Variants in NID1 observed in about 807,000 individuals in gnomAD.
NID1 encodes the protein nidogen 1.
In NID1, 76 loss-of-function variants were observed where a neutral mutation model predicts 130.6. The observed-to-expected ratio is 0.58, with a 90% CI of 0.48 to 0.70. The LOEUF is 0.70. Among genes scored for constraint, NID1 ranks in the 30% least tolerant of loss-of-function variants. The pLI is 0.00. For missense variants in NID1, 1,517 were observed against 1,664.8 expected (o/e 0.91, Z 1.54); for synonymous variants, 665 against 675.1 (o/e 0.98, Z 0.23).
chr1:236,030,280 G>A (rs1659057840), intron 6 of NID1, among the ~76,000 whole-genome samples: 1 of 152,138 alleles, frequency 6.6e-6, no homozygotes, highest in Non-Finnish European at 1.5e-5. Context: ...GATGGCTTAG[G>A]AACTCCTCTT....
chr1:235,979,684 A>T lies in NID1; in HGVS notation c.3509+138T>A, dbSNP rs1657374212. The T allele has an allele frequency of 1.2e-6, 1 of 846,078 alleles. No individual in the cohort carries two copies. The highest frequency in any genetic ancestry group is 1.6e-5 in the South Asian group (1 of 61,086). The allele number at this position is 846,078 out of a possible 1,614,324, so 52.4% of individuals were successfully genotyped here. The stretch of plus-strand genomic sequence containing the variant: ...CTCCTGACAACCAGAAGGATAAGGG[A>T]GAGGGGACATCTCTAGAGGGGGCAT... On this transcript the variant is annotated intron_variant, in intron 18 of 19. Transcript: ENST00000264187. The surrounding 1 kb of genome is among the most constrained non-coding windows in gnomAD (Gnocchi z 4.6).
rs1467223850 is a variant in NID1 at position 236,013,552 on chromosome 1, C to T, written c.2263G>A (p.Asp755Asn). Reference sequence around the variant, plus strand: ...TCACAGTAGTTGATGGGGCGCTGGTCCACGACAGCTTCAGAACAAAAGGTT... The same window carrying T: ...TCACAGTAGTTGATGGGGCGCTGGTTCACGACAGCTTCAGAACAAAAGGTT... The part of the protein sequence containing the change: ...SDEGTCVAVV[D>N]QRPINYCETG... The change falls in exon 11 of 20, where the codon GAC becomes AAC. Residue 755 changes from aspartate (D) to asparagine (N), a missense_variant. Around this residue, in one of 3 missense-constraint regions of NID1, gnomAD observed 1,329 missense variants for 1,429.2 expected, o/e 0.93. Coordinates refer to ENST00000264187, the MANE Select transcript of NID1 (RefSeq NM_002508.3). 1 of 1,614,096 alleles carries T rather than the reference C, an allele frequency of 6.2e-7. No homozygotes were observed. The highest frequency in any genetic ancestry group is 8.5e-7 in the Non-Finnish European group (1 of 1,180,004).
intron 12 of NID1, among the ~76,000 whole-genome samples, chr1:236,007,515 G>A (rs1234347531): frequency 6.6e-6 from 1 of 152,144 alleles, no homozygotes; most frequent in Non-Finnish European, 1.5e-5. Flanking sequence ...CAACAGAAGC[G>A]ATACTTGTCA....
intron 6 of NID1, among the ~76,000 whole-genome samples, chr1:236,030,511 T>C (rs947964745): frequency 6.6e-6 from 1 of 152,254 alleles, no homozygotes; most frequent in East Asian, 1.9e-4. Context: ...GTGAAAATTA[T>C]ATACAATTTA....
At chr1:236,055,071 G>A (rs972337711) in intron 1 of NID1, among the ~76,000 whole-genome samples, 2 of 152,230 alleles carry the variant, frequency 1.3e-5, no homozygotes, top group African/African-American at 2.4e-5. Context: ...TTGGGAGGCC[G>A]AGGTGGGTGG....
chr1:236,026,555 TCA>T (rs1427980085), intron 7 of NID1, among the ~76,000 whole-genome samples: 2 of 152,126 alleles, frequency 1.3e-5, no homozygotes, highest in Non-Finnish European at 2.9e-5. Flanking sequence ...TCTCAGTTTC[TCA>T]CACAAAATAG....
chr1:235,988,325 A>G (rs1657628920), intron 14 of NID1, among the ~76,000 whole-genome samples: 1 of 152,236 alleles, frequency 6.6e-6, no homozygotes, highest in Non-Finnish European at 1.5e-5. Flanking sequence ...AATGCAAATC[A>G]AAACCACTTC....
At chr1:236,011,159 C>G (rs779891260) in intron 12 of NID1, among the ~76,000 whole-genome samples, 1 of 152,024 alleles carries the variant, frequency 6.6e-6, no homozygotes, top group African/African-American at 2.4e-5. Context: ...GCTTAAAAAG[C>G]GATGGGATGA....
At chr1:236,032,759 A>G in intron 5 of NID1, 107 bp from the exon 6 acceptor site, 1 of 1,426,378 alleles carries the variant, frequency 7.0e-7, no homozygotes, top group Non-Finnish European at 9.4e-7. Flanking sequence ...GCAAAGAAAC[A>G]AAACAGCACT....
intron 15 of NID1, 25 bp from the exon 16 acceptor site, chr1:235,981,807 T>TCAAGCAAGCC: frequency 6.4e-7 from 1 of 1,567,040 alleles, no homozygotes. Flanking sequence ...AGAGCTCCTC[T>TCAAGCAAGCC]AATTTTTTTT....
At chr1:235,978,059 C>A in intron 19 of NID1, 71 bp from the exon 20 acceptor site, 1 of 1,556,172 alleles carries the variant, frequency 6.4e-7, no homozygotes, top group South Asian at 1.2e-5. Flanking sequence ...AGATAGTGGG[C>A]TCCTTCTTGT....
At chr1:236,040,541 C>T (rs1372456931) in intron 4 of NID1, among the ~76,000 whole-genome samples, 1 of 152,102 alleles carries the variant, frequency 6.6e-6, no homozygotes, top group African/African-American at 2.4e-5. Flanking sequence ...AGTAGAAAAG[C>T]AGCAGACAGC....
chr1:236,025,696 A>G (rs1658909024), intron 8 of NID1, among the ~76,000 whole-genome samples, 200 bp downstream of exon 8: 2 of 152,220 alleles, frequency 1.3e-5, no homozygotes, highest in Admixed American at 1.3e-4. Flanking sequence ...TAGAATCACG[A>G]ATAGGCCTTT....
Position 236,031,801 on chromosome 1 carries a change from C to T in NID1, c.1537+600G>A, listed in dbSNP as rs1308877061. 3.3e-5 allele frequency among the ~76,000 whole-genome samples: 5 copies of T among 152,210 alleles called. No individual in the cohort carries two copies. In the East Asian group the frequency reaches 7.7e-4, roughly 23 times the overall value. On this transcript the variant is annotated intron_variant, in intron 6 of 19. Transcript: ENST00000264187. The stretch of plus-strand genomic sequence containing the variant: ...ACCACAACACCAAGGAAACATCCCT[C>T]AAGCCATCTGCCCACGCGTCCAGTA...
intron 11 of NID1, among the ~76,000 whole-genome samples, chr1:236,012,429 G>A (rs548903646): frequency 2.0e-5 from 3 of 152,066 alleles, no homozygotes; most frequent in Admixed American, 6.5e-5. Flanking sequence ...ATGGTGACAC[G>A]TGCCTGTAAT....
chr1:236,037,665 A>G (rs1659299604), intron 5 of NID1, among the ~76,000 whole-genome samples: 1 of 143,302 alleles, frequency 7.0e-6, no homozygotes, highest in African/African-American at 2.5e-5. Context: ...CTCAAGAAAA[A>G]AAAAAACATA....
intron 2 of NID1, among the ~76,000 whole-genome samples, chr1:236,045,897 G>A (rs753001833): frequency 4.6e-5 from 7 of 152,160 alleles, no homozygotes; most frequent in Non-Finnish European, 8.8e-5. Flanking sequence ...GACATTTTCT[G>A]ATTAATTCAT....
Position 235,982,414 on chromosome 1 carries a change from G to A in NID1, c.3056-632C>T, listed in dbSNP as rs144223095. Among the ~76,000 whole-genome samples the A allele has an allele frequency of 4.0e-3, 610 of 152,256 alleles. 1 individual carries two copies. The highest frequency in any genetic ancestry group is 6.7e-3 in the Non-Finnish European group (453 of 68,006). ...AGGCAGTGGAAGATCTTAAGATAGGGAATGGAAAAATAGTTCTATCTTGTT... is the reference window on the plus strand; with the variant it reads ...AGGCAGTGGAAGATCTTAAGATAGGAAATGGAAAAATAGTTCTATCTTGTT... On this transcript the variant is annotated intron_variant, in intron 15 of 19. Coordinates refer to ENST00000264187, the MANE Select transcript of NID1 (RefSeq NM_002508.3).
chr1:236,038,077 TGA>T, intron 5 of NID1, 25 bp downstream of exon 5: 1 of 1,580,060 alleles, frequency 6.3e-7, no homozygotes, highest in South Asian at 1.1e-5. Flanking sequence ...TTCTCCCGCA[TGA>T]AACGAACATA....
Sources: gnomAD v4.1 joint callset for allele counts (sites outside exome capture counted in the v4.1 genomes callset) on GRCh38, gnomAD v4.1.1 for gene constraint, gnomAD v4.1.1 regional missense constraint, Gnocchi (gnomAD v3.1) non-coding constraint, MANE v1.5 for transcripts, NCBI Gene and HGNC (gene_info 2026-07-23, HGNC 2026-07-21) for gene names.